The following CCDC7 variants were observed in gnomAD, a reference collection of about 807,000 sequenced individuals.
CCDC7 encodes coiled-coil domain-containing protein 7.
A neutral mutation model predicts 196.9 loss-of-function variants in CCDC7; 183 were observed. That is an observed-to-expected ratio of 0.93 (90% CI 0.82 to 1.05). CCDC7 has a LOEUF of 1.05. Ranked by LOEUF, CCDC7 falls within the 50% of genes least tolerant of loss-of-function variation. The pLI, the probability that CCDC7 is intolerant of heterozygous loss-of-function variation, is 0.00. For synonymous variants in CCDC7, 525 were observed against 484.6 expected (o/e 1.08, Z -1.10); for missense variants, 1,540 against 1,482.2 (o/e 1.04, Z -0.64).
intron 28 of CCDC7, among the ~76,000 whole-genome samples, chr10:32,758,215 A>G (rs960985375): frequency 2.0e-5 from 3 of 152,224 alleles, no homozygotes; most frequent in Non-Finnish European, 4.4e-5. Flanking sequence ...ATTCCAATGA[A>G]TAGAAAAAGA....
chr10:32,636,660 GC>G (rs1346526538), intron 20 of CCDC7, among the ~76,000 whole-genome samples: 2 of 152,144 alleles, frequency 1.3e-5, no homozygotes, highest in Admixed American at 6.5e-5. Flanking sequence ...CCAAGTCTTT[GC>G]TATTGTGAAT....
exon 29 of CCDC7, chr10:32,779,060 C>G: frequency 6.5e-7 from 1 of 1,549,356 alleles, no homozygotes; most frequent in East Asian, 2.4e-5. Context: ...CCTAATAATT[C>G]AATTTGATTT....
At chr10:32,673,236 G>GT (rs578122632) in intron 21 of CCDC7, among the ~76,000 whole-genome samples, 5 of 151,018 alleles carry the variant, frequency 3.3e-5, no homozygotes, top group Admixed American at 6.6e-5. Flanking sequence ...GATGCCTCCA[G>GT]TTTTTTTTTC....
intron 29 of CCDC7, among the ~76,000 whole-genome samples, chr10:32,787,073 C>G (rs367682876): frequency 6.6e-6 from 1 of 151,858 alleles, no homozygotes; most frequent in Non-Finnish European, 1.5e-5. Context: ...GGGACACCAT[C>G]GAGTGGATCA....
intron 8 of CCDC7, among the ~76,000 whole-genome samples, chr10:32,477,365 G>T (rs1447973455): frequency 1.3e-5 from 2 of 151,968 alleles, no homozygotes; most frequent in African/African-American, 4.8e-5. Context: ...ACCACGCCCG[G>T]CTAATTTTTG....
intron 13 of CCDC7, among the ~76,000 whole-genome samples, chr10:32,551,727 G>A (rs2053505014): frequency 1.3e-5 from 2 of 152,072 alleles, no homozygotes; most frequent in Non-Finnish European, 2.9e-5. Flanking sequence ...TTTTGGAGTT[G>A]ATATCCAATT....
intron 21 of CCDC7, among the ~76,000 whole-genome samples, chr10:32,673,436 T>G (rs909745127): frequency 6.6e-6 from 1 of 152,172 alleles, no homozygotes; most frequent in African/African-American, 2.4e-5. Flanking sequence ...TTTTAATTTC[T>G]TTCAGCAATA....
At chr10:32,452,201 G>A (rs2033249030) in intron 1 of CCDC7, among the ~76,000 whole-genome samples, 2 of 152,290 alleles carry the variant, frequency 1.3e-5, no homozygotes, top group Non-Finnish European at 2.9e-5. Context: ...TCAGTGCCCT[G>A]GGATTTATTG....
chr10:32,668,428 G>C (rs2073307349), intron 21 of CCDC7, among the ~76,000 whole-genome samples: 1 of 151,926 alleles, frequency 6.6e-6, no homozygotes, highest in Non-Finnish European at 1.5e-5. Context: ...TGGTGAGAGA[G>C]GGCATCCCTG....
At chr10:32,752,291 G>C (rs1029017958) in intron 28 of CCDC7, among the ~76,000 whole-genome samples, 3 of 152,014 alleles carry the variant, frequency 2.0e-5, no homozygotes, top group African/African-American at 7.2e-5. Context: ...ACATTTACAT[G>C]GGGGATGGAT....
chr10:32,768,693 T>C (rs2134020315), intron 28 of CCDC7, among the ~76,000 whole-genome samples: 1 of 152,238 alleles, frequency 6.6e-6, no homozygotes, highest in Admixed American at 6.5e-5. Flanking sequence ...ATGTTTCTTC[T>C]ATACCTAGTT....
chr10:32,876,894 TC>T (rs2094609982), downstream of CCDC7: 1 of 152,282 alleles, frequency 6.6e-6, no homozygotes, highest in African/African-American at 2.4e-5. Context: ...GTTTTTACTG[TC>T]CCCTGAAGAG....
At chr10:32,873,287 A>G (rs1002588847) in intron 41 of CCDC7, among the ~76,000 whole-genome samples, 1 of 151,704 alleles carries the variant, frequency 6.6e-6, no homozygotes, top group Non-Finnish European at 1.5e-5. Flanking sequence ...TATTCATTTG[A>G]TCTTCCATCA....
chr10:32,624,538 A>G (rs186183699), intron 18 of CCDC7, among the ~76,000 whole-genome samples: 2 of 152,290 alleles, frequency 1.3e-5, no homozygotes, highest in East Asian at 3.9e-4. Context: ...CAAAATCTCA[A>G]TGCCTTAATA....
intron 8 of CCDC7, among the ~76,000 whole-genome samples, chr10:32,480,752 A>G (rs2039818402): frequency 6.6e-6 from 1 of 152,202 alleles, no homozygotes; most frequent in African/African-American, 2.4e-5. Context: ...ATTTTATAAG[A>G]CTTACTGGCC....
At chr10:32,467,501 G>A (rs974230053) in intron 5 of CCDC7, among the ~76,000 whole-genome samples, 1 of 152,166 alleles carries the variant, frequency 6.6e-6, no homozygotes, top group African/African-American at 2.4e-5. Flanking sequence ...TTTGTCAGGT[G>A]AATGGTTTGC....
intron 23 of CCDC7, among the ~76,000 whole-genome samples, chr10:32,691,721 C>T (rs1318361104): frequency 6.6e-6 from 1 of 151,958 alleles, no homozygotes; most frequent in African/African-American, 2.4e-5. Flanking sequence ...ACATGTTTTC[C>T]AGTAGCAGGG....
intron 5 of CCDC7, among the ~76,000 whole-genome samples, chr10:32,467,946 G>A (rs532897575): frequency 1.1e-4 from 16 of 152,212 alleles, no homozygotes; most frequent in African/African-American, 3.1e-4. Context: ...TGCTCTATGT[G>A]TCTGGTTTTG....
At chr10:32,825,962 A>T (rs748649215) in intron 32 of CCDC7, among the ~76,000 whole-genome samples, 10 of 152,214 alleles carry the variant, frequency 6.6e-5, no homozygotes, top group Non-Finnish European at 1.3e-4. Flanking sequence ...CTTTTTTACC[A>T]GAAGAAACAG....
Sources: gnomAD v4.1 joint callset for allele counts (sites outside exome capture counted in the v4.1 genomes callset) on GRCh38, gnomAD v4.1.1 for gene constraint, MANE v1.5 for transcripts, NCBI Gene and HGNC (gene_info 2026-07-23, HGNC 2026-07-21) for gene names.